The following FOXP1 variants were observed in gnomAD, a reference collection of about 807,000 sequenced individuals.
The protein encoded by FOXP1 is forkhead box protein P1.
In FOXP1, 15 loss-of-function variants were observed where a neutral mutation model predicts 98.2. The ratio of observed to expected loss-of-function variants is 0.15; its 90% confidence interval spans 0.10 to 0.24. The LOEUF (loss-of-function observed/expected upper bound fraction) is 0.24. Ranked by LOEUF, FOXP1 falls within the 10% of genes least tolerant of loss-of-function variation. The probability of loss-of-function intolerance (pLI) is 1.00; values close to 1 mark genes in which losing one functional copy is unlikely to be tolerated. For synonymous variants in FOXP1, 371 were observed against 314.5 expected (o/e 1.18, Z -1.90); for missense variants, 633 against 848.5 (o/e 0.75, Z 3.15).
At chr3:71,085,815 C>A (rs925125439) in intron 7 of FOXP1, among the ~76,000 whole-genome samples, 2 of 133,474 alleles carry the variant, frequency 1.5e-5, no homozygotes, top group Non-Finnish European at 3.1e-5. Context: ...CTGCAACCTC[C>A]GCCTCCTGGG....
chr3:71,448,263 C>T (rs1291111665), intron 3 of FOXP1, among the ~76,000 whole-genome samples: 3 of 152,158 alleles, frequency 2.0e-5, no homozygotes, highest in Non-Finnish European at 4.4e-5. Context: ...CCTCTCTGAA[C>T]AGCTTCCACA....
chr3:71,447,323 G>T (rs2086540889), intron 3 of FOXP1, among the ~76,000 whole-genome samples: 1 of 152,118 alleles, frequency 6.6e-6, no homozygotes, highest in South Asian at 2.1e-4. Context: ...AGTTTATGAG[G>T]CACCCCAACG....
intron 3 of FOXP1, among the ~76,000 whole-genome samples, chr3:71,389,133 A>G (rs899650898): frequency 1.3e-5 from 2 of 151,218 alleles, no homozygotes; most frequent in African/African-American, 4.9e-5. Context: ...GCAACATTCC[A>G]TCACTTTTTA....
chr3:71,417,938 G>A (rs1560457010), intron 3 of FOXP1, among the ~76,000 whole-genome samples: 1 of 151,858 alleles, frequency 6.6e-6, no homozygotes, highest in East Asian at 1.9e-4. Flanking sequence ...GACAGACTGT[G>A]GATAGGAAAT....
chr3:71,349,881 A>G (rs1342408707), intron 4 of FOXP1, among the ~76,000 whole-genome samples: 2 of 152,304 alleles, frequency 1.3e-5, no homozygotes, highest in East Asian at 3.9e-4. Flanking sequence ...TTTTATCCTC[A>G]GGTACCAGAT....
At chr3:71,374,176 T>C (rs1348826412) in intron 3 of FOXP1, among the ~76,000 whole-genome samples, 2 of 152,250 alleles carry the variant, frequency 1.3e-5, no homozygotes, top group Non-Finnish European at 2.9e-5. Context: ...GAACGTGTTC[T>C]CAGCATCCAT....
chr3:71,555,839 C>A (rs2046087670), intron 2 of FOXP1, among the ~76,000 whole-genome samples: 1 of 151,754 alleles, frequency 6.6e-6, no homozygotes, highest in African/African-American at 2.4e-5. Context: ...ATAATCAAAT[C>A]AAACTCTTAC....
chr3:71,427,508 G>A (rs2084272474), intron 3 of FOXP1, among the ~76,000 whole-genome samples: 1 of 152,158 alleles, frequency 6.6e-6, no homozygotes. Context: ...TAGGGAGCCT[G>A]GGCTCTCTTG....
chr3:70,972,802 C>T (rs899881716), intron 17 of FOXP1, 126 bp from the exon 18 acceptor site: 18 of 866,622 alleles, frequency 2.1e-5, no homozygotes, highest in Middle Eastern at 2.6e-4. Flanking sequence ...CTACCACCCC[C>T]GTGGAGGACC....
intron 7 of FOXP1, among the ~76,000 whole-genome samples, chr3:71,091,627 CTTAA>C (rs1331031728): frequency 6.6e-6 from 1 of 152,154 alleles, no homozygotes. Context: ...CCAAATTAAG[CTTAA>C]TTGTCTCATC....
At chr3:71,120,664 T>A (rs2058694631) in intron 6 of FOXP1, among the ~76,000 whole-genome samples, 1 of 151,954 alleles carries the variant, frequency 6.6e-6, no homozygotes, top group African/African-American at 2.4e-5. Flanking sequence ...GGAGTTACAG[T>A]CATGGGTCAT....
intron 6 of FOXP1, among the ~76,000 whole-genome samples, chr3:71,132,363 A>G (rs974803505): frequency 6.6e-6 from 1 of 152,200 alleles, no homozygotes; most frequent in East Asian, 1.9e-4. Flanking sequence ...ACTGCTTAAC[A>G]CCTAGTAGCT....
chr3:71,080,148 G>A (rs2054256536), intron 7 of FOXP1, among the ~76,000 whole-genome samples: 2 of 152,154 alleles, frequency 1.3e-5, no homozygotes, highest in South Asian at 2.1e-4. Context: ...CGTAGCTAAA[G>A]AAATTTCCAA....
intron 3 of FOXP1, among the ~76,000 whole-genome samples, chr3:71,369,557 G>A (rs1022023709): frequency 2.2e-4 from 34 of 152,242 alleles, no homozygotes; most frequent in African/African-American, 7.5e-4. Flanking sequence ...ACCATGCCCA[G>A]CTAATTTTGG....
chr3:71,513,039 G>T (rs888022751), intron 2 of FOXP1, among the ~76,000 whole-genome samples: 3 of 152,132 alleles, frequency 2.0e-5, no homozygotes, highest in Non-Finnish European at 4.4e-5. Context: ...GCCTGCTCCA[G>T]TAGCATTTAC....
At chr3:70,975,112 A>T (rs977521321) in intron 17 of FOXP1, among the ~76,000 whole-genome samples, 2 of 152,222 alleles carry the variant, frequency 1.3e-5, no homozygotes, top group Non-Finnish European at 2.9e-5. Context: ...TGTTTATATT[A>T]ATGACACTTT....
intron 4 of FOXP1, among the ~76,000 whole-genome samples, chr3:71,348,235 TTC>T (rs145681247): frequency 0.018 from 2,725 of 152,260 alleles, 78 homozygotes; most frequent in African/African-American, 0.063. Context: ...CTACTGTATT[TTC>T]TCTCTTTGAT....
At chr3:71,381,633 G>A (rs541449462) in intron 3 of FOXP1, among the ~76,000 whole-genome samples, 9 of 151,878 alleles carry the variant, frequency 5.9e-5, no homozygotes, top group East Asian at 1.9e-4. Context: ...TTGTAGAGAC[G>A]GAGTCTCTCT....
intron 5 of FOXP1, among the ~76,000 whole-genome samples, chr3:71,237,992 T>G (rs1193105815): frequency 6.6e-6 from 1 of 152,112 alleles, no homozygotes; most frequent in Non-Finnish European, 1.5e-5. Context: ...AATTAGGAGA[T>G]TCTCAGTTAC....
Sources: allele counts gnomAD v4.1 joint callset (sites outside exome capture counted in the v4.1 genomes callset), GRCh38; gene constraint gnomAD v4.1.1; transcripts MANE v1.5; gene names NCBI Gene and HGNC (gene_info 2026-07-23, HGNC 2026-07-21).